GLRA1: variants seen among roughly 807,000 people sequenced by gnomAD.
GLRA1 encodes glycine receptor alpha 1.
In GLRA1, 37 loss-of-function variants were observed where a neutral mutation model predicts 48.3. The observed-to-expected ratio is 0.77, with a 90% CI of 0.59 to 1.01. GLRA1 has a LOEUF of 1.01. Ranked by LOEUF, GLRA1 falls within the 50% of genes least tolerant of loss-of-function variation. GLRA1 has a pLI of 0.00. For synonymous variants in GLRA1, 196 were observed against 210.7 expected, an observed-to-expected ratio of 0.93 and a Z score of 0.60; for missense variants, 427 against 571.0, an observed-to-expected ratio of 0.75 and a Z score of 2.57.
chr5:151,859,343 G>C (rs1581623265), intron 4 of GLRA1, among the ~76,000 whole-genome samples: 3 of 152,278 alleles, frequency 2.0e-5, no homozygotes, highest in African/African-American at 7.2e-5. Flanking sequence ...AAGTTTGGGG[G>C]ATAGATTTTA....
At chr5:151,909,765 T>C (rs1454287775) in intron 1 of GLRA1, among the ~76,000 whole-genome samples, 1 of 152,194 alleles carries the variant, frequency 6.6e-6, no homozygotes, top group Non-Finnish European at 1.5e-5. Flanking sequence ...AATAAGAGAC[T>C]TGGAATTCTC....
intron 8 of GLRA1, among the ~76,000 whole-genome samples, chr5:151,824,739 CT>C (rs1286676780): frequency 6.6e-6 from 1 of 152,070 alleles, no homozygotes; most frequent in Non-Finnish European, 1.5e-5. Flanking sequence ...ATATCTCCGT[CT>C]TTTTTTAAAG....
intron 3 of GLRA1, among the ~76,000 whole-genome samples, chr5:151,874,578 CA>C (rs1454993595): frequency 6.6e-6 from 1 of 152,140 alleles, no homozygotes; most frequent in Non-Finnish European, 1.5e-5. Context: ...TTGAGGGAAA[CA>C]AGGTCCCCAC....
At chr5:151,860,890 C>T (rs1364094895) in intron 3 of GLRA1, among the ~76,000 whole-genome samples, 5 of 152,174 alleles carry the variant, frequency 3.3e-5, no homozygotes, top group African/African-American at 7.2e-5. Flanking sequence ...CCTCACCCCA[C>T]GACAGGCCCT....
chr5:151,854,344 C>T (rs764583281), intron 6 of GLRA1, among the ~76,000 whole-genome samples: 17 of 152,248 alleles, frequency 1.1e-4, no homozygotes, highest in Non-Finnish European at 2.4e-4. Flanking sequence ...TCACCTCCTC[C>T]TCTTGCTGGC....
chr5:151,855,285 G>T, intron 5 of GLRA1, 108 bp from the exon 6 acceptor site: 2 of 1,067,958 alleles, frequency 1.9e-6, no homozygotes, highest in Non-Finnish European at 2.9e-6. Flanking sequence ...ACACTTGATG[G>T]AACTTGTGAG....
chr5:151,851,685 A>C, intron 6 of GLRA1, 81 bp from the exon 7 acceptor site: 1 of 916,560 alleles, frequency 1.1e-6, no homozygotes. Flanking sequence ...CCTCGGCTAG[A>C]GTCCTGGTTC....
At chr5:151,851,347 T>G (rs769434078) in intron 7 of GLRA1, 43 bp downstream of exon 7, 2 of 1,310,534 alleles carry the variant, frequency 1.5e-6, no homozygotes, top group Non-Finnish European at 2.2e-6. Flanking sequence ...GGTGCTGTCC[T>G]TATTTGTCCA....
chr5:151,845,057 G>A (rs1016787962), intron 7 of GLRA1, among the ~76,000 whole-genome samples: 7 of 152,034 alleles, frequency 4.6e-5, no homozygotes. Context: ...TTTAAGTCTT[G>A]GGATACATAT....
chr5:151,892,472 G>A (rs564404543), intron 1 of GLRA1, 34 bp from the exon 2 acceptor site: 1 of 1,611,948 alleles, frequency 6.2e-7, no homozygotes, highest in African/African-American at 1.3e-5. Context: ...AAAGGTTAAT[G>A]ATGGCTCTTT....
chr5:151,886,612 A>G, intron 3 of GLRA1, 109 bp downstream of exon 3: 1 of 850,828 alleles, frequency 1.2e-6, no homozygotes, highest in Non-Finnish European at 2.0e-6. Context: ...GACTTGAGAA[A>G]AACCCAGCTG....
intron 3 of GLRA1, among the ~76,000 whole-genome samples, chr5:151,866,274 G>A (rs1175996989): frequency 6.6e-6 from 1 of 152,168 alleles, no homozygotes; most frequent in Non-Finnish European, 1.5e-5. Context: ...CCAAGGTAGA[G>A]CATTAACTCA....
chr5:151,851,911 C>CCATCAT (rs201218235), intron 6 of GLRA1, among the ~76,000 whole-genome samples: 7 of 151,662 alleles, frequency 4.6e-5, no homozygotes, highest in African/African-American at 7.3e-5. Flanking sequence ...ATCACTGTTA[C>CCATCAT]CATCATCATC....
chr5:151,886,885 C>A (rs184789638), intron 2 of GLRA1, 97 bp from the exon 3 acceptor site: 178 of 904,806 alleles, frequency 2.0e-4, no homozygotes, highest in Middle Eastern at 5.0e-4. Flanking sequence ...GAATGGATCG[C>A]CTTTGGTGGA....
intron 8 of GLRA1, 39 bp downstream of exon 8, chr5:151,828,882 A>G: frequency 6.3e-7 from 1 of 1,595,624 alleles, no homozygotes; most frequent in Non-Finnish European, 8.6e-7. Flanking sequence ...TTTGTTTACT[A>G]ACAGCTGTCC....
intron 3 of GLRA1, among the ~76,000 whole-genome samples, chr5:151,885,757 A>G (rs763243127): frequency 1.3e-5 from 2 of 152,220 alleles, no homozygotes; most frequent in Non-Finnish European, 2.9e-5. Flanking sequence ...GCTTTGCAAA[A>G]GAACTTGGGT....
chr5:151,876,801 C>T (rs945562939), intron 3 of GLRA1, among the ~76,000 whole-genome samples: 1 of 152,104 alleles, frequency 6.6e-6, no homozygotes, highest in African/African-American at 2.4e-5. Context: ...ATGTTGAAGC[C>T]CTAACCCCCA....
chr5:151,838,135 T>C (rs1763622249), intron 7 of GLRA1, among the ~76,000 whole-genome samples: 1 of 152,122 alleles, frequency 6.6e-6, no homozygotes, highest in South Asian at 2.1e-4. Flanking sequence ...GGAAACTATG[T>C]CTAAACAACT....
chr5:151,905,488 G>C (rs912004909), intron 1 of GLRA1, among the ~76,000 whole-genome samples: 46 of 151,890 alleles, frequency 3.0e-4, no homozygotes, highest in Non-Finnish European at 7.4e-5. Flanking sequence ...TCCCACAATT[G>C]ATAGGCATTT....
Sources: gnomAD v4.1 joint callset for allele counts (sites outside exome capture counted in the v4.1 genomes callset) on GRCh38, gnomAD v4.1.1 for gene constraint, MANE v1.5 for transcripts, NCBI Gene and HGNC (gene_info 2026-07-23, HGNC 2026-07-21) for gene names.